GATAD2A: variants seen among roughly 807,000 people sequenced by gnomAD.
GATAD2A encodes the protein GATA zinc finger domain containing 2A, also known as transcriptional repressor p66-alpha.
Under a neutral mutation model 68.5 loss-of-function variants are expected in GATAD2A, and 12 were observed. The observed-to-expected ratio is 0.18, with a 90% CI of 0.11 to 0.28. The LOEUF is 0.28. Among genes scored for constraint, GATAD2A ranks in the 10% least tolerant of loss-of-function variants. The probability of loss-of-function intolerance (pLI) is 1.00; values close to 1 mark genes in which losing one functional copy is unlikely to be tolerated. For missense variants in GATAD2A, 755 were observed against 868.5 expected, an observed-to-expected ratio of 0.87 and a Z score of 1.64; for synonymous variants, 410 against 375.3, an observed-to-expected ratio of 1.09 and a Z score of -1.07.
At chr19:19,417,818 G>A (rs1351596463) in intron 1 of GATAD2A, among the ~76,000 whole-genome samples, 1 of 152,158 alleles carries the variant, frequency 6.6e-6, no homozygotes, top group African/African-American at 2.4e-5. Flanking sequence ...AGGAAGATTG[G>A]GTAGGGATTA....
At chr19:19,451,262 T>C (rs533399699) in intron 1 of GATAD2A, among the ~76,000 whole-genome samples, 1 of 151,112 alleles carries the variant, frequency 6.6e-6, no homozygotes, top group South Asian at 2.1e-4. Context: ...GTGCCTGTAA[T>C]CCCAGCTACT....
chr19:19,408,063 G>A (rs963196105), intron 1 of GATAD2A, among the ~76,000 whole-genome samples: 1 of 152,214 alleles, frequency 6.6e-6, no homozygotes, highest in Non-Finnish European at 1.5e-5. Flanking sequence ...GGAGTGGCAC[G>A]ATCTTGGTTC....
upstream of GATAD2A, among the ~76,000 whole-genome samples, chr19:19,400,786 A>G (rs971450829): frequency 3.9e-5 from 6 of 152,042 alleles, no homozygotes; most frequent in Non-Finnish European, 7.3e-5. Context: ...TCCCTTAGAG[A>G]TTGTTGTTAT....
At chr19:19,483,298 G>A (rs1043422935) in intron 2 of GATAD2A, among the ~76,000 whole-genome samples, 2 of 152,298 alleles carry the variant, frequency 1.3e-5, no homozygotes, top group East Asian at 1.9e-4. Context: ...TTCCCAGAGC[G>A]GTCGTTGGAC....
At position 19,507,283 on chromosome 19, in the gene GATAD2A, G is replaced by A. The variant is rs1314342433; in HGVS notation, c.*1809G>A. 6.6e-6 allele frequency: 1 copy of A among 150,414 alleles called. No homozygotes were observed. The highest frequency in any genetic ancestry group is 1.5e-5 in the Non-Finnish European group (1 of 67,784). 9.3% of individuals were successfully genotyped at this position (150,414 alleles called of 1,614,324 possible). On this transcript the variant is annotated 3_prime_UTR_variant, in exon 12 of 12. Transcript: ENST00000683918. ...AAAAAAAAAAATCAAGAGTATGCAA[G>A]CATTTCTATTCCTCGCATTTTTCTG...
intron 1 of GATAD2A, among the ~76,000 whole-genome samples, chr19:19,418,340 G>A (rs2051906340): frequency 6.6e-6 from 1 of 152,198 alleles, no homozygotes; most frequent in African/African-American, 2.4e-5. Context: ...CCAAACTGTA[G>A]TGCTTTGTGT....
intron 1 of GATAD2A, among the ~76,000 whole-genome samples, chr19:19,411,663 C>T (rs1189235492): frequency 2.7e-5 from 4 of 148,936 alleles, no homozygotes; most frequent in Non-Finnish European, 4.5e-5. Context: ...CACCTGATCA[C>T]CTGGCCTCAG....
intron 1 of GATAD2A, among the ~76,000 whole-genome samples, chr19:19,421,066 C>T (rs2147263774): frequency 6.6e-6 from 1 of 152,308 alleles, no homozygotes; most frequent in Admixed American, 6.5e-5. Context: ...AGGGTCAGGT[C>T]CTCCCCATCC....
chr19:19,420,607 T>G (rs1421129962), intron 1 of GATAD2A, among the ~76,000 whole-genome samples: 8 of 151,986 alleles, frequency 5.3e-5, no homozygotes, highest in Non-Finnish European at 1.2e-4. Flanking sequence ...CCGAAAGTGC[T>G]GGGATTACAG....
At chr19:19,454,734 C>T (rs1270249055) in intron 1 of GATAD2A, among the ~76,000 whole-genome samples, 1 of 129,732 alleles carries the variant, frequency 7.7e-6, no homozygotes, top group Non-Finnish European at 1.7e-5. Context: ...CTGTGCCCCC[C>T]CCCACCCCCT....
chr19:19,428,953 C>G (rs1053474681), intron 1 of GATAD2A, among the ~76,000 whole-genome samples: 1 of 152,032 alleles, frequency 6.6e-6, no homozygotes, highest in Non-Finnish European at 1.5e-5. Flanking sequence ...TGTAGTCTTG[C>G]CTATCTCCAT....
At chr19:19,404,077 G>C (rs2146997137), upstream of GATAD2A, among the ~76,000 whole-genome samples, 1 of 152,226 alleles carries the variant, frequency 6.6e-6, no homozygotes, top group South Asian at 2.1e-4. Flanking sequence ...GCCTAGGGGA[G>C]GTTGTGCCAG....
chr19:19,501,066 C>CCT, intron 8 of GATAD2A, 52 bp from the exon 9 acceptor site: 1 of 1,537,044 alleles, frequency 6.5e-7, no homozygotes, highest in South Asian at 1.2e-5. Context: ...CGGCCAGGGC[C>CCT]CTGACTGTCG....
rs1434754312 is a variant in GATAD2A, at chr19:19,505,938, T to C, written c.*464T>C. 7 of 399,060 alleles carry C rather than the reference T, an allele frequency of 1.8e-5. No homozygotes were observed. The highest frequency in any genetic ancestry group is 3.1e-5 in the Non-Finnish European group (7 of 226,244). The allele number at this position is 399,060 out of a possible 1,614,324, so 24.7% of individuals were successfully genotyped here. ...TTCCCTGTCTTAGGCTCCCAGTCTTTGACTGCCTTCCCATGGCGATCTATA... is the reference window on the plus strand; with the variant it reads ...TTCCCTGTCTTAGGCTCCCAGTCTTCGACTGCCTTCCCATGGCGATCTATA... On this transcript the variant is annotated 3_prime_UTR_variant, in exon 12 of 12. Coordinates refer to ENST00000683918, the MANE Select transcript of GATAD2A (RefSeq NM_001384528.1).
At chr19:19,430,976 G>GGTGTGTGT (rs71170687) in intron 1 of GATAD2A, among the ~76,000 whole-genome samples, 3,949 of 136,684 alleles carry the variant, frequency 0.029, 74 homozygotes, top group African/African-American at 0.055. Context: ...GTATGGTAGG[G>GGTGTGTGT]GTGTGTGTGT....
intron 11 of GATAD2A, among the ~76,000 whole-genome samples, chr19:19,504,264 G>C (rs1430329562): frequency 1.3e-5 from 2 of 152,160 alleles, no homozygotes; most frequent in African/African-American, 4.8e-5. Context: ...GTGCTGGGTG[G>C]GGGCATTTAT....
intron 9 of GATAD2A, among the ~76,000 whole-genome samples, chr19:19,501,697 G>A (rs2060535317): frequency 6.6e-6 from 1 of 152,190 alleles, no homozygotes; most frequent in Non-Finnish European, 1.5e-5. Flanking sequence ...TGCTAAATTT[G>A]GAGAGGAACA....
At chr19:19,430,589 C>G (rs1351774178) in intron 1 of GATAD2A, among the ~76,000 whole-genome samples, 3 of 152,178 alleles carry the variant, frequency 2.0e-5, no homozygotes. Flanking sequence ...TTTTTGGTGA[C>G]TACAGATGGT....
chr19:19,480,499 A>G lies in GATAD2A; in HGVS notation c.270-11807A>G, dbSNP rs2058980325. ...TCATGAAGCACCAGGCTTTGCATGA[A>G]TGCTCACGCGAGCGTTTCTCTTCAT... On this transcript the variant is annotated intron_variant, in intron 2 of 11. Transcript: ENST00000683918. Among the ~76,000 whole-genome samples, 4 of 152,232 alleles carry G rather than the reference A, an allele frequency of 2.6e-5. No individual in the cohort carries two copies. In the South Asian group the frequency reaches 8.3e-4, roughly 32 times the overall value.
Sources: gnomAD v4.1 joint callset for allele counts (sites outside exome capture counted in the v4.1 genomes callset) on GRCh38, gnomAD v4.1.1 for gene constraint, MANE v1.5 for transcripts, NCBI Gene and HGNC (gene_info 2026-07-23, HGNC 2026-07-21) for gene names.